SLC16A2: variants seen among roughly 807,000 people sequenced by gnomAD.
SLC16A2 encodes the protein solute carrier family 16 member 2, also known as monocarboxylate transporter 8.
In SLC16A2, 3 loss-of-function variants were observed where a neutral mutation model predicts 27.2. That is an observed-to-expected ratio of 0.11 (90% CI 0.05 to 0.28). The LOEUF (loss-of-function observed/expected upper bound fraction) is 0.28. Ranked by LOEUF, SLC16A2 falls within the 10% of genes least tolerant of loss-of-function variation. The probability of loss-of-function intolerance (pLI) is 1.00; values close to 1 mark genes in which losing one functional copy is unlikely to be tolerated. For synonymous variants in SLC16A2, 202 were observed against 187.8 expected (o/e 1.08, Z -0.62); for missense variants, 295 against 458.5 (o/e 0.64, Z 3.26).
intron 4 of SLC16A2, 131 bp downstream of exon 4, chrX:74,526,024 A>G (rs1196768055): frequency 1.3e-6 from 1 of 740,907 alleles, no homozygotes; most frequent in Non-Finnish European, 2.0e-6. Flanking sequence ...CTGAGCCTCC[A>G]TTTCACCTGC....
intron 1 of SLC16A2, among the ~76,000 whole-genome samples, chrX:74,493,490 T>C (rs958732218): frequency 3.6e-5 from 4 of 112,112 alleles, no homozygotes; most frequent in East Asian, 2.8e-4. Context: ...GCCAGGCCAC[T>C]GTGCAGTGCC....
chrX:74,436,214 T>C (rs1354774553), intron 1 of SLC16A2, among the ~76,000 whole-genome samples: 1 of 111,784 alleles, frequency 8.9e-6, no homozygotes, highest in East Asian at 2.8e-4. Context: ...TGTGTGTGTG[T>C]GTGCGCATGC....
intron 1 of SLC16A2, among the ~76,000 whole-genome samples, chrX:74,485,110 G>A (rs2147857455): frequency 9.2e-6 from 1 of 109,120 alleles, no homozygotes; most frequent in East Asian, 2.9e-4. Context: ...CAGCTACTCG[G>A]GGGGCTTAGG....
chrX:74,422,100 T>G (rs777115035), intron 1 of SLC16A2, 33 bp downstream of exon 1: 10 of 1,185,128 alleles, frequency 8.4e-6, no homozygotes, highest in Non-Finnish European at 1.1e-5. Flanking sequence ...CTTGGCATTT[T>G]GGGCAAGGTT....
In SLC16A2 at chrX:74,478,264, T is replaced by A. The variant is rs183935921; in HGVS notation, c.431-42726T>A. Among the ~76,000 whole-genome samples, 16 of 111,789 alleles carry A rather than the reference T, an allele frequency of 1.4e-4. No individual in the cohort carries two copies. The Admixed American group carries it at 1.5e-3, about 11-fold the overall frequency. ...TAATGGCCTTCTTTGTCTCTTTTGA[T>A]CTTTGTTGGTTTAAAGTCTGTTTTA... On this transcript the variant is annotated intron_variant, in intron 1 of 5. Coordinates refer to ENST00000587091, the MANE Select transcript of SLC16A2 (RefSeq NM_006517.5).
intron 1 of SLC16A2, among the ~76,000 whole-genome samples, chrX:74,452,136 G>A (rs1928955010): frequency 8.9e-6 from 1 of 112,452 alleles, no homozygotes; most frequent in African/African-American, 3.2e-5. Context: ...CTCCAGACTG[G>A]ACATGCATGG....
At chrX:74,507,210 C>T (rs1930150720) in intron 1 of SLC16A2, among the ~76,000 whole-genome samples, 2 of 110,854 alleles carry the variant, frequency 1.8e-5, no homozygotes, top group African/African-American at 6.6e-5. Flanking sequence ...CCTGTCTCAG[C>T]CTCCAAAAGT....
chrX:74,453,365 C>T (rs916114745), intron 1 of SLC16A2, among the ~76,000 whole-genome samples: 10 of 110,512 alleles, frequency 9.0e-5, no homozygotes, highest in African/African-American at 3.3e-4. Flanking sequence ...AGTACAGAAA[C>T]TGTCATTTAT....
intron 1 of SLC16A2, among the ~76,000 whole-genome samples, chrX:74,510,383 TA>T (rs763417269): frequency 4.9e-4 from 49 of 101,005 alleles, no homozygotes; most frequent in South Asian, 2.1e-3. Flanking sequence ...TGTGTTTTAG[TA>T]AAAAAAAAAA....
rs1281395543 is a variant in SLC16A2, at chrX:74,439,220, TTC to T, written c.430+17167_430+17168del. On this transcript the variant is annotated intron_variant, in intron 1 of 5. Transcript: ENST00000587091. Reference sequence around the variant, plus strand: ...TTTCTTTCTTTCTTCCTTCCTTCCTTTCTCTCTCTCTCTCTTTCTTTCTTTCT... The same window carrying T: ...TTTCTTTCTTTCTTCCTTCCTTCCTTTCTCTCTCTCTCTTTCTTTCTTTCT... Among the ~76,000 whole-genome samples the T allele has an allele frequency of 4.0e-4, 36 of 90,804 alleles. No individual in the cohort carries two copies. In the East Asian group the frequency reaches 4.4e-3, roughly 11 times the overall value. 78.9% of individuals were successfully genotyped at this position (90,804 alleles called of 115,157 possible).
At chrX:74,449,677 G>T (rs893839303) in intron 1 of SLC16A2, among the ~76,000 whole-genome samples, 2 of 111,392 alleles carry the variant, frequency 1.8e-5, no homozygotes, top group Non-Finnish European at 3.8e-5. Flanking sequence ...GTTCAGCTCT[G>T]CAGCATCTGT....
At chrX:74,517,313 C>T (rs1404690104) in intron 1 of SLC16A2, among the ~76,000 whole-genome samples, 1 of 111,537 alleles carries the variant, frequency 9.0e-6, no homozygotes, top group African/African-American at 3.3e-5. Context: ...TTTTTAAAAG[C>T]TATATCAAAC....
intron 1 of SLC16A2, among the ~76,000 whole-genome samples, chrX:74,457,795 C>T (rs2147847837): frequency 9.0e-6 from 1 of 110,967 alleles, no homozygotes; most frequent in South Asian, 3.9e-4. Flanking sequence ...ATAGAGCTTG[C>T]TTCCCAAGAA....
intron 5 of SLC16A2, among the ~76,000 whole-genome samples, chrX:74,530,770 G>A (rs776815677): frequency 1.5e-4 from 17 of 112,228 alleles, no homozygotes; most frequent in African/African-American, 5.5e-4. Flanking sequence ...GAAGTGAGTA[G>A]GGAAGGCCTT....
chrX:74,435,539 A>ATATATATGCATATATATATG (rs1227431566), intron 1 of SLC16A2, among the ~76,000 whole-genome samples: 65 of 70,827 alleles, frequency 9.2e-4, no homozygotes, highest in Non-Finnish European at 1.6e-3. Context: ...ATATATATGT[A>ATATATATGCATATATATATG]TATATATATA....
chrX:74,519,751 G>A (rs1437750411), intron 1 of SLC16A2, among the ~76,000 whole-genome samples: 58 of 65,461 alleles, frequency 8.9e-4, no homozygotes, highest in Non-Finnish European at 1.7e-3. Flanking sequence ...ACGAAAGAAA[G>A]AAAAAGAAAA....
At chrX:74,454,430 A>G (rs1929003334) in intron 1 of SLC16A2, among the ~76,000 whole-genome samples, 1 of 110,047 alleles carries the variant, frequency 9.1e-6, no homozygotes, top group South Asian at 3.9e-4. Flanking sequence ...CTTTGTAGGG[A>G]CATGGATGAA....
intron 1 of SLC16A2, among the ~76,000 whole-genome samples, chrX:74,519,750 A>AAAC (rs1569298945): frequency 2.6e-5 from 2 of 75,959 alleles, no homozygotes; most frequent in African/African-American, 4.0e-5. Context: ...AACGAAAGAA[A>AAAC]GAAAAAGAAA....
chrX:74,484,345 G>A (rs1199829730), intron 1 of SLC16A2, among the ~76,000 whole-genome samples: 2 of 111,816 alleles, frequency 1.8e-5, no homozygotes, highest in African/African-American at 6.5e-5. Context: ...CCAGGCTATA[G>A]GTAAATTTTT....
Sources: gnomAD v4.1 joint callset for allele counts (sites outside exome capture counted in the v4.1 genomes callset) on GRCh38, gnomAD v4.1.1 for gene constraint, MANE v1.5 for transcripts, NCBI Gene and HGNC (gene_info 2026-07-23, HGNC 2026-07-21) for gene names.